Variants in SPON1 observed in about 807,000 individuals in gnomAD.
SPON1 encodes the protein spondin 1, also known as spondin-1.
In SPON1, 52 loss-of-function variants were observed where a neutral mutation model predicts 111.7. The observed-to-expected ratio is 0.47, with a 90% confidence interval of 0.37 to 0.59. The LOEUF (loss-of-function observed/expected upper bound fraction) is 0.59, where lower values mean the gene tolerates loss of function less well. Ranked by LOEUF, SPON1 falls within the 20% of genes least tolerant of loss-of-function variation. The pLI, the probability that SPON1 is intolerant of heterozygous loss-of-function variation, is 0.00. For synonymous variants in SPON1, 410 were observed against 395.8 expected (o/e 1.04, Z -0.43); for missense variants, 957 against 1,068.5 (o/e 0.90, Z 1.46).
At chr11:14,026,012 T>G (rs1848515280) in intron 2 of SPON1, among the ~76,000 whole-genome samples, 1 of 152,186 alleles carries the variant, frequency 6.6e-6, no homozygotes, top group South Asian at 2.1e-4. Flanking sequence ...TCCTAATAAT[T>G]ATCTGAAAGA....
rs61622413 is a variant in SPON1, at chr11:14,146,581, A to T, written c.825+11013A>T. Among the ~76,000 whole-genome samples the T allele has an allele frequency of 8.4e-3, 1,285 of 152,354 alleles. 14 individuals are homozygous for T. The highest frequency in any genetic ancestry group is 0.029 in the African/African-American group (1,199 of 41,584). ...TAAAGTGTTCCCTCAAAAATCCCAG[A>T]TAATTTTTTAAAAATTATACAGGCT... On this transcript the variant is annotated intron_variant, in intron 6 of 15. Coordinates refer to ENST00000576479, the MANE Select transcript of SPON1 (RefSeq NM_006108.4).
intron 6 of SPON1, among the ~76,000 whole-genome samples, chr11:14,175,904 A>G (rs1848169463): frequency 1.3e-5 from 2 of 152,218 alleles, no homozygotes. Flanking sequence ...GGGAAACTGA[A>G]TTAACATTTT....
intron 1 of SPON1, among the ~76,000 whole-genome samples, chr11:13,971,656 C>A (rs1554908609): frequency 6.6e-6 from 1 of 152,018 alleles, no homozygotes; most frequent in East Asian, 1.9e-4. Flanking sequence ...GAAAAGGTGG[C>A]CCTTTTCCTA....
rs1253013572 is a variant in SPON1 at position 14,243,313 on chromosome 11, T to C, written c.826-19T>C. The C allele has an allele frequency of 1.3e-6, 2 of 1,569,890 alleles. No individual in the cohort carries two copies. Among genetic ancestry groups the C allele is most frequent in the Admixed American group, 3.8e-5 (2 of 53,262 alleles). On this transcript the variant is annotated intron_variant, in intron 6 of 15. Coordinates refer to ENST00000576479, the MANE Select transcript of SPON1 (RefSeq NM_006108.4). ...GAGCCCAGCTCTGTTCACTAAATAT[T>C]TGTGGTCCTTTTTTGCAGAGTGATG...
intron 3 of SPON1, among the ~76,000 whole-genome samples, chr11:14,073,517 A>G (rs1362022144): frequency 6.6e-6 from 1 of 152,128 alleles, no homozygotes; most frequent in Non-Finnish European, 1.5e-5. Flanking sequence ...GAAGAACTTT[A>G]TAAGGGATGC....
At chr11:14,253,053 CA>C (rs1278796094) in intron 7 of SPON1, among the ~76,000 whole-genome samples, 4 of 152,192 alleles carry the variant, frequency 2.6e-5, no homozygotes, top group Admixed American at 2.6e-4. Context: ...ACTGGCCTGT[CA>C]GGGCCCAGGG....
In SPON1 at chr11:14,246,990, G is replaced by A. The variant is rs116753551; in HGVS notation, c.890+3594G>A. On this transcript the variant is annotated intron_variant, in intron 7 of 15. Coordinates refer to ENST00000576479, the MANE Select transcript of SPON1 (RefSeq NM_006108.4). ...TCTGCAAAGGCCCTGTATGAGGAGG[G>A]AGTAGAGTATGTCTAAGGCACTAAA... Among the ~76,000 whole-genome samples the A allele has an allele frequency of 1.6e-3, 246 of 152,280 alleles. 2 individuals carry two copies. Among genetic ancestry groups the A allele is most frequent in the African/African-American group, 5.3e-3 (222 of 41,538 alleles).
intron 5 of SPON1, among the ~76,000 whole-genome samples, chr11:14,132,364 G>A (rs1445440654): frequency 1.3e-5 from 2 of 152,178 alleles, no homozygotes; most frequent in African/African-American, 4.8e-5. Flanking sequence ...TTGAACTTGT[G>A]TAATTAAATT....
intron 2 of SPON1, among the ~76,000 whole-genome samples, chr11:13,996,724 T>TATATATAC (rs569794197): frequency 3.9e-5 from 6 of 151,926 alleles, no homozygotes; most frequent in African/African-American, 1.2e-4. Context: ...TATATATATA[T>TATATATAC]ACACACACAC....
At chr11:14,218,723 G>T (rs1848650513) in intron 6 of SPON1, among the ~76,000 whole-genome samples, 1 of 152,176 alleles carries the variant, frequency 6.6e-6, no homozygotes, top group African/African-American at 2.4e-5. Context: ...TCAGTTCTGT[G>T]CCACAAGGAA....
intron 2 of SPON1, among the ~76,000 whole-genome samples, chr11:13,985,131 G>T (rs781803887): frequency 9.9e-5 from 15 of 152,218 alleles, no homozygotes; most frequent in Non-Finnish European, 1.8e-4. Context: ...AGCCTTCAGG[G>T]TGAATCTGAT....
chr11:14,170,966 G>T (rs1311464419), intron 6 of SPON1, among the ~76,000 whole-genome samples: 2 of 151,996 alleles, frequency 1.3e-5, no homozygotes, highest in African/African-American at 4.8e-5. Context: ...TTTTTTTGTT[G>T]TGTCTCTGCC....
At chr11:14,074,836 G>A (rs1259360088) in intron 3 of SPON1, among the ~76,000 whole-genome samples, 1 of 152,214 alleles carries the variant, frequency 6.6e-6, no homozygotes, top group Non-Finnish European at 1.5e-5. Context: ...TGTTCAGAAT[G>A]TAGGAGACAG....
At chr11:14,151,169 C>T (rs1847783678) in intron 6 of SPON1, among the ~76,000 whole-genome samples, 1 of 152,158 alleles carries the variant, frequency 6.6e-6, no homozygotes, top group Non-Finnish European at 1.5e-5. Flanking sequence ...GTGGAATGTC[C>T]CTCCTGCCCA....
chr11:14,165,477 G>C (rs1848018509), intron 6 of SPON1, among the ~76,000 whole-genome samples: 2 of 152,072 alleles, frequency 1.3e-5, no homozygotes, highest in Admixed American at 1.3e-4. Context: ...GGTTTTCAAG[G>C]CTTGCATGGC....
intron 1 of SPON1, among the ~76,000 whole-genome samples, chr11:13,977,632 C>T (rs1554909172): frequency 6.6e-6 from 1 of 152,106 alleles, no homozygotes; most frequent in Non-Finnish European, 1.5e-5. Context: ...GACACTGTGA[C>T]TTGCTTCTTC....
intron 9 of SPON1, 21 bp from the exon 10 acceptor site, chr11:14,256,596 C>A: frequency 6.3e-7 from 1 of 1,579,406 alleles, no homozygotes; most frequent in Non-Finnish European, 8.7e-7. Flanking sequence ...GTGAGCCCTC[C>A]AAGTAAAATT....
At chr11:14,119,457 T>G (rs1433269999) in intron 5 of SPON1, among the ~76,000 whole-genome samples, 1 of 152,148 alleles carries the variant, frequency 6.6e-6, no homozygotes, top group Non-Finnish European at 1.5e-5. Flanking sequence ...AGTGTGAACT[T>G]CCCCACACTC....
chr11:14,048,009 G>A (rs1554917993), intron 3 of SPON1, among the ~76,000 whole-genome samples: 1 of 152,234 alleles, frequency 6.6e-6, no homozygotes, highest in African/African-American at 2.4e-5. Context: ...GGAGGCTGAG[G>A]CGGGCAGATC....
Sources: allele counts gnomAD v4.1 joint callset (sites outside exome capture counted in the v4.1 genomes callset), GRCh38; gene constraint gnomAD v4.1.1; transcripts MANE v1.5; gene names NCBI Gene and HGNC (gene_info 2026-07-23, HGNC 2026-07-21).